Variants in NSUN2 observed in about 807,000 individuals in gnomAD.
NSUN2 encodes the protein NOP2/Sun RNA methyltransferase 2.
A neutral mutation model predicts 92.7 loss-of-function variants in NSUN2; 63 were observed. That is an observed-to-expected ratio of 0.68 (90% CI 0.56 to 0.84). The LOEUF is 0.84. NSUN2 is among the 40% of genes least tolerant of loss of function. NSUN2 has a pLI of 0.00. For missense variants in NSUN2, 989 were observed against 964.9 expected, an observed-to-expected ratio of 1.02 and a Z score of -0.33; for synonymous variants, 356 against 348.3, an observed-to-expected ratio of 1.02 and a Z score of -0.25.
chr5:6,604,351 C>T, intron 16 of NSUN2, 75 bp from the exon 17 acceptor site: 1 of 1,355,082 alleles, frequency 7.4e-7, no homozygotes, highest in Non-Finnish European at 1.0e-6. Context: ...CTCTCAGGGG[C>T]TATGCTCTTA....
intron 13 of NSUN2, 73 bp downstream of exon 13, chr5:6,607,127 T>A: frequency 6.7e-7 from 1 of 1,496,022 alleles, no homozygotes. Flanking sequence ...GAAGTGGCTC[T>A]GGGATCCCAT....
rs764381200 is a variant in NSUN2 at position 6,625,604 on chromosome 5, A to C, written c.425T>G (p.Leu142Trp). 6 of 1,614,080 alleles carry C rather than the reference A, an allele frequency of 3.7e-6. No individual in the cohort carries two copies. Residue 142 changes from leucine to tryptophan, a missense_variant, in exon 4 of 19, where the codon TTG becomes TGG. Transcript: ENST00000264670. Reference protein sequence around the residue: ...SRKILRKSPHLEKFHQFLVSE... With the variant: ...SRKILRKSPHWEKFHQFLVSE... ...AACTAGAAACTGATGAAACTTTTCC[A>C]AGTGTGGCGATTTTCTCAAGATTTT...
intron 16 of NSUN2, 69 bp from the exon 17 acceptor site, chr5:6,604,345 C>CAGGGGCTATGCTCTT: frequency 7.2e-7 from 1 of 1,388,820 alleles, no homozygotes; most frequent in Non-Finnish European, 1.0e-6. Context: ...AGCCTGCTCT[C>CAGGGGCTATGCTCTT]AGGGGCTATG....
In NSUN2 at chr5:6,628,004, G is replaced by A. The variant is rs535463904; in HGVS notation, c.360-2335C>T. Among the ~76,000 whole-genome samples the A allele has an allele frequency of 9.2e-5, 14 of 152,308 alleles. No homozygotes were observed. The South Asian group carries it at 2.3e-3, about 25-fold the overall frequency. On this transcript the variant is annotated intron_variant, in intron 3 of 18. Coordinates refer to ENST00000264670, the MANE Select transcript of NSUN2 (RefSeq NM_017755.6). ...AAAATTCTCAAGTGGTAAGGACTCT[G>A]TAAATATATACAACATCTATGACAA...
At chr5:6,632,829 G>C (rs193743) in intron 1 of NSUN2, 55 bp downstream of exon 1, 1 of 1,559,024 alleles carries the variant, frequency 6.4e-7, no homozygotes, top group East Asian at 2.4e-5. Context: ...CAGGCCTCGG[G>C]GTCCGGGAAG....
intron 18 of NSUN2, among the ~76,000 whole-genome samples, chr5:6,601,402 C>T (rs896005985): frequency 1.3e-5 from 2 of 152,168 alleles, no homozygotes; most frequent in African/African-American, 2.4e-5. Flanking sequence ...CATCCAGACA[C>T]CATCCGCCTC....
At chr5:6,604,427 C>T in intron 16 of NSUN2, 151 bp from the exon 17 acceptor site, 8 of 932,020 alleles carry the variant, frequency 8.6e-6, no homozygotes, top group Admixed American at 2.4e-5. Flanking sequence ...CCCACCCCCC[C>T]CTAGGAGGGG....
At position 6,599,830 on chromosome 5, in the gene NSUN2, G is replaced by A. The variant is rs915359157; in HGVS notation, c.*96C>T. On this transcript the variant is annotated 3_prime_UTR_variant, in exon 19 of 19. Coordinates refer to ENST00000264670, the MANE Select transcript of NSUN2 (RefSeq NM_017755.6). ...GTCATTAGAAATATATGCTTTACAGGCCACAGGCTGCTCTGGATTTGGTTT... is the reference window on the plus strand; with the variant it reads ...GTCATTAGAAATATATGCTTTACAGACCACAGGCTGCTCTGGATTTGGTTT... The A allele has an allele frequency of 2.6e-5, 28 of 1,076,048 alleles. No homozygotes were observed. Among genetic ancestry groups the A allele is most frequent in the Non-Finnish European group, 3.4e-5 (25 of 729,356 alleles). The allele number at this position is 1,076,048 out of a possible 1,614,324, so 66.7% of individuals were successfully genotyped here.
chr5:6,602,144 G>T (rs986912177), intron 18 of NSUN2, among the ~76,000 whole-genome samples: 1 of 152,332 alleles, frequency 6.6e-6, no homozygotes, highest in East Asian at 1.9e-4. Flanking sequence ...TCACTCAACT[G>T]TCCAATCTTC....
At chr5:6,606,440 C>A (rs183406387) in intron 14 of NSUN2, among the ~76,000 whole-genome samples, 4 of 152,150 alleles carry the variant, frequency 2.6e-5, no homozygotes, top group East Asian at 1.9e-4. Context: ...CCCGCCACCA[C>A]GCCCGGCTAA....
At position 6,623,044 on chromosome 5, in the gene NSUN2, GA is replaced by G. The variant is rs111573762; in HGVS notation, c.537+169del. On this transcript the variant is annotated intron_variant, in intron 5 of 18. Transcript: ENST00000264670. ...CATAAAAATTAAGTAGGACAAAAAA[GA>G]AAAAAAAAAAAAAAAGAAACTAAGA... Among the ~76,000 whole-genome samples, 18,707 of 73,026 alleles carry G rather than the reference GA, an allele frequency of 0.26. 1,257 individuals carry two copies. Among genetic ancestry groups the G allele is most frequent in the South Asian group, 0.29 (602 of 2,102 alleles). 47.9% of individuals were successfully genotyped at this position (73,026 alleles called of 152,430 possible). A position where few individuals can be genotyped will look rare whatever the true frequency, so the allele number is the denominator to read the frequency against.
Position 6,605,291 on chromosome 5 carries a change from A to C in NSUN2, c.1719T>G (p.Asn573Lys). ...VSKELRNVLLNNSEKMKVINT... is the reference protein window; with the variant it reads ...VSKELRNVLLKNSEKMKVINT... The stretch of plus-strand genomic sequence containing the variant: ...CTGGCACCTTCATCTTCTCACTGTT[A>C]TTCAGCAGCACATTCCGCAACTCCT... The change falls in exon 15 of 19, where the codon AAT becomes AAG. Residue 573 changes from asparagine to lysine, a missense_variant. This residue lies in a region of NSUN2 where 626 missense variants were observed against 602.3 expected (regional missense o/e 1.04). Coordinates refer to ENST00000264670, the MANE Select transcript of NSUN2 (RefSeq NM_017755.6). 2 of 1,614,154 alleles carry C rather than the reference A, an allele frequency of 1.2e-6. No individual in the cohort carries two copies. The highest frequency in any genetic ancestry group is 1.7e-6 in the Non-Finnish European group (2 of 1,180,010).
At chr5:6,624,432 C>T (rs879710167) in intron 4 of NSUN2, among the ~76,000 whole-genome samples, 1 of 152,154 alleles carries the variant, frequency 6.6e-6, no homozygotes. Context: ...ACATTTGCTA[C>T]CCACCCTAAA....
intron 8 of NSUN2, among the ~76,000 whole-genome samples, chr5:6,617,449 G>C (rs995060755): frequency 7.9e-5 from 12 of 152,184 alleles, no homozygotes; most frequent in Non-Finnish European, 1.3e-4. Flanking sequence ...AAAAATCCCT[G>C]TAAACAGAAA....
intron 3 of NSUN2, among the ~76,000 whole-genome samples, chr5:6,630,218 T>C (rs1737820774): frequency 6.6e-6 from 1 of 152,208 alleles, no homozygotes; most frequent in South Asian, 2.1e-4. Flanking sequence ...AGTGGACAAT[T>C]AGTGACCACT....
chr5:6,615,401 C>A (rs1443597143), intron 9 of NSUN2, among the ~76,000 whole-genome samples: 1 of 152,134 alleles, frequency 6.6e-6, no homozygotes, highest in African/African-American at 2.4e-5. Context: ...AACAACTGAC[C>A]CCAAATCACA....
intron 17 of NSUN2, 100 bp downstream of exon 17, chr5:6,604,038 A>C: frequency 9.4e-7 from 1 of 1,067,242 alleles, no homozygotes; most frequent in East Asian, 2.4e-5. Flanking sequence ...TAAACTGAAA[A>C]CTATGATTGA....
chr5:6,619,778 C>T (rs927924918), intron 7 of NSUN2, among the ~76,000 whole-genome samples: 5 of 152,086 alleles, frequency 3.3e-5, no homozygotes, highest in South Asian at 2.1e-4. Context: ...ACAAATTGTT[C>T]CAAGCAATAA....
In NSUN2 at chr5:6,599,889, G is replaced by C. The variant is rs201896744; in HGVS notation, c.*37C>G. 3.1e-6 allele frequency: 5 copies of C among 1,587,842 alleles called. No individual in the cohort carries two copies. Among genetic ancestry groups the C allele is most frequent in the Middle Eastern group, 2.2e-4 (1 of 4,490 alleles). On this transcript the variant is annotated 3_prime_UTR_variant, in exon 19 of 19. Transcript: ENST00000264670. ...AGTGACCAGAAGAAGCCAGTTTTGC[G>C]TGTGAGGGGTGTGGGCCCCCGCTGC...
Sources: allele counts gnomAD v4.1 joint callset (sites outside exome capture counted in the v4.1 genomes callset), GRCh38; gene constraint gnomAD v4.1.1; regional missense constraint gnomAD v4.1.1; transcripts MANE v1.5; gene names NCBI Gene and HGNC (gene_info 2026-07-23, HGNC 2026-07-21).